The following NFIA variants were observed in gnomAD, a reference collection of about 807,000 sequenced individuals.
NFIA encodes the protein nuclear factor I A, also known as nuclear factor 1 A-type.
NFIA carries 8 observed loss-of-function variants against 62.8 expected under a neutral mutation model. The ratio of observed to expected loss-of-function variants is 0.13; its 90% CI spans 0.07 to 0.23. NFIA has a LOEUF of 0.23. Among genes scored for constraint, NFIA ranks in the 10% least tolerant of loss-of-function variants. NFIA has a pLI of 1.00. For missense variants in NFIA, 410 were observed against 642.1 expected (o/e 0.64, Z 3.91); for synonymous variants, 235 against 238.1 (o/e 0.99, Z 0.12).
intron 2 of NFIA, among the ~76,000 whole-genome samples, chr1:61,268,045 A>G (rs1345965162): frequency 6.6e-6 from 1 of 152,220 alleles, no homozygotes; most frequent in Non-Finnish European, 1.5e-5. Flanking sequence ...GAATATTGCT[A>G]TGACTGCAGA....
intron 8 of NFIA, 91 bp downstream of exon 8, chr1:61,404,373 C>A: frequency 7.7e-7 from 1 of 1,305,186 alleles, no homozygotes; most frequent in Non-Finnish European, 1.0e-6. Flanking sequence ...TGACGTTGTG[C>A]TCTAATGTTG....
At chr1:61,220,834 A>T (rs528356658) in intron 2 of NFIA, among the ~76,000 whole-genome samples, 1 of 152,340 alleles carries the variant, frequency 6.6e-6, no homozygotes, top group South Asian at 2.1e-4. Flanking sequence ...ATGGGTTAGT[A>T]AGTATATTTG....
intron 3 of NFIA, among the ~76,000 whole-genome samples, chr1:61,298,923 C>A (rs1659341964): frequency 6.6e-6 from 1 of 152,166 alleles, no homozygotes; most frequent in Non-Finnish European, 1.5e-5. Flanking sequence ...AAATAAGATC[C>A]TATTTATTTC....
At chr1:61,353,144 C>T (rs1446860435) in intron 5 of NFIA, among the ~76,000 whole-genome samples, 5 of 152,024 alleles carry the variant, frequency 3.3e-5, no homozygotes, top group African/African-American at 1.2e-4. Flanking sequence ...CCCCAAAGCT[C>T]TCAATATCCA....
chr1:61,192,646 T>A (rs1570352316), intron 2 of NFIA, among the ~76,000 whole-genome samples: 1 of 150,912 alleles, frequency 6.6e-6, no homozygotes, highest in South Asian at 2.1e-4. Context: ...GAGGTTGCAG[T>A]GAGCCGAGAT....
chr1:61,203,430 C>A (rs2100592928), intron 2 of NFIA, among the ~76,000 whole-genome samples: 1 of 152,224 alleles, frequency 6.6e-6, no homozygotes, highest in African/African-American at 2.4e-5. Flanking sequence ...ACAGAAGTAT[C>A]TTTTGAGCCC....
intron 2 of NFIA, among the ~76,000 whole-genome samples, chr1:61,204,206 A>G (rs1484157161): frequency 1.3e-5 from 2 of 152,194 alleles, no homozygotes; most frequent in African/African-American, 2.4e-5. Flanking sequence ...AGAACTTCTT[A>G]TTAGTCTGTG....
chr1:61,258,405 G>T (rs1656558044), intron 2 of NFIA, among the ~76,000 whole-genome samples: 1 of 152,064 alleles, frequency 6.6e-6, no homozygotes, highest in African/African-American at 2.4e-5. Context: ...AAAACCAAAA[G>T]GACTTTTTCA....
chr1:61,267,413 G>A (rs905139708), intron 2 of NFIA, among the ~76,000 whole-genome samples: 1 of 152,108 alleles, frequency 6.6e-6, no homozygotes, highest in African/African-American at 2.4e-5. Context: ...GGAGGCTGAG[G>A]CAGGAGAATC....
chr1:61,120,520 T>TGCCGTG (rs1196497256), intron 2 of NFIA, among the ~76,000 whole-genome samples: 2 of 152,190 alleles, frequency 1.3e-5, no homozygotes, highest in African/African-American at 4.8e-5. Flanking sequence ...ATTTCATGTC[T>TGCCGTG]GCCGTGACCG....
chr1:61,274,850 C>T (rs1657711282), intron 2 of NFIA, among the ~76,000 whole-genome samples: 1 of 152,122 alleles, frequency 6.6e-6, no homozygotes, highest in South Asian at 2.1e-4. Flanking sequence ...TTTGCAATAC[C>T]AGAAAGAGTG....
Position 61,221,173 on chromosome 1 carries a change from A to G in NFIA, c.560-56347A>G, listed in dbSNP as rs567094525. On this transcript the variant is annotated intron_variant, in intron 2 of 10. Transcript: ENST00000403491. ...ATTTATAATGTTGTGTTCAAATAAT[A>G]CTATCAGAATAACAGTTGTTTGAAG... 2.6e-5 allele frequency among the ~76,000 whole-genome samples: 4 copies of G among 152,312 alleles called. No homozygotes were observed. The East Asian group carries it at 7.7e-4, about 29-fold the overall frequency.
intron 3 of NFIA, among the ~76,000 whole-genome samples, chr1:61,323,345 G>A (rs761343561): frequency 3.9e-5 from 6 of 152,166 alleles, no homozygotes; most frequent in African/African-American, 4.8e-5. Flanking sequence ...AGATATAGAA[G>A]TGTTTCAGCC....
chr1:61,328,424 A>G (rs1321274670), intron 3 of NFIA, among the ~76,000 whole-genome samples: 1 of 34,102 alleles, frequency 2.9e-5, no homozygotes, highest in Non-Finnish European at 5.4e-5. Flanking sequence ...TATTTTATAT[A>G]TATATATTTT....
chr1:61,220,888 G>A (rs1453606064), intron 2 of NFIA, among the ~76,000 whole-genome samples: 1 of 152,094 alleles, frequency 6.6e-6, no homozygotes, highest in African/African-American at 2.4e-5. Context: ...GTTGGCTGAA[G>A]GTATAAAACA....
At chr1:61,332,148 A>C (rs79621190) in intron 3 of NFIA, among the ~76,000 whole-genome samples, 7,180 of 152,308 alleles carry the variant, frequency 0.047, 233 homozygotes, top group Admixed American at 0.099. Flanking sequence ...ACTATGATGG[A>C]ATGCAGCTCT....
chr1:61,148,936 G>A (rs1339275269), intron 2 of NFIA, among the ~76,000 whole-genome samples: 1 of 152,108 alleles, frequency 6.6e-6, no homozygotes, highest in East Asian at 1.9e-4. Flanking sequence ...GCAATGGCAC[G>A]ATCCTAGCTC....
At chr1:61,381,671 G>A (rs866309335) in intron 6 of NFIA, among the ~76,000 whole-genome samples, 2 of 152,140 alleles carry the variant, frequency 1.3e-5, no homozygotes, top group Non-Finnish European at 2.9e-5. Flanking sequence ...ATCTATTCAT[G>A]AAGCTACAGA....
At chr1:61,394,806 G>T (rs1223521970) in intron 7 of NFIA, among the ~76,000 whole-genome samples, 1 of 152,130 alleles carries the variant, frequency 6.6e-6, no homozygotes, top group African/African-American at 2.4e-5. Context: ...AGTTCAGGAG[G>T]ATGCCTTGAA....
Sources: gnomAD v4.1 joint callset for allele counts (sites outside exome capture counted in the v4.1 genomes callset) on GRCh38, gnomAD v4.1.1 for gene constraint, MANE v1.5 for transcripts, NCBI Gene and HGNC (gene_info 2026-07-23, HGNC 2026-07-21) for gene names.